Variants in ARSG observed in about 807,000 individuals in gnomAD.
ARSG encodes the protein ASG.
ARSG carries 37 observed loss-of-function variants against 50.5 expected under a neutral mutation model. That is an observed-to-expected ratio of 0.73 (90% CI 0.56 to 0.96). The LOEUF is 0.96. Ranked by LOEUF, ARSG falls within the 50% of genes least tolerant of loss-of-function variation. ARSG has a pLI of 0.00. For synonymous variants in ARSG, 225 were observed against 254.6 expected (o/e 0.88, Z 1.11); for missense variants, 629 against 675.3 (o/e 0.93, Z 0.76).
At chr17:68,359,131 C>T (rs1032143877) in intron 6 of ARSG, among the ~76,000 whole-genome samples, 1 of 152,126 alleles carries the variant, frequency 6.6e-6, no homozygotes, top group Non-Finnish European at 1.5e-5. Flanking sequence ...CCACTGCACT[C>T]CAGCCTGGGC....
In ARSG at chr17:68,351,534, C is replaced by T. The variant is rs368739492; in HGVS notation, c.455-41C>T. ...GTGTACAAAGGCAAGCACATGGAGT[C>T]GCAGCCACGTGGGGGTGCTAACCGG... On this transcript the variant is annotated intron_variant, in intron 4 of 11. Coordinates refer to ENST00000621439, the MANE Select transcript of ARSG (RefSeq NM_001267727.2). 228 of 1,138,600 alleles carry T rather than the reference C, an allele frequency of 2.0e-4. 3 individuals are homozygous for T. In the South Asian group the frequency reaches 2.6e-3, roughly 13 times the overall value. 70.5% of individuals were successfully genotyped at this position (1,138,600 alleles called of 1,614,324 possible).
At chr17:68,366,407 G>C (rs1199332314) in intron 6 of ARSG, among the ~76,000 whole-genome samples, 1 of 152,000 alleles carries the variant, frequency 6.6e-6, no homozygotes, top group Non-Finnish European at 1.5e-5. Flanking sequence ...ACCCCCACTG[G>C]CCAGGCACTG....
chr17:68,327,608 A>G (rs1208591517), intron 2 of ARSG, among the ~76,000 whole-genome samples: 1 of 152,142 alleles, frequency 6.6e-6, no homozygotes, highest in African/African-American at 2.4e-5. Flanking sequence ...CATTGCATCA[A>G]GACCCACTCT....
chr17:68,384,524 A>G, intron 8 of ARSG, among the ~76,000 whole-genome samples: 1 of 152,224 alleles, frequency 6.6e-6, no homozygotes, highest in Admixed American at 6.5e-5. Context: ...AAACAAAGCA[A>G]AGCAAAACAA....
intron 6 of ARSG, among the ~76,000 whole-genome samples, chr17:68,357,504 A>T (rs2079085300): frequency 6.6e-6 from 1 of 152,226 alleles, no homozygotes; most frequent in African/African-American, 2.4e-5. Context: ...GGAGAATCCA[A>T]GGTGATCCCC....
the ARSG span, among the ~76,000 whole-genome samples, chr17:68,432,752 T>C: frequency 0.26 from 39,054 of 152,076 alleles, 5,687 homozygotes; most frequent in Middle Eastern, 0.35. Flanking sequence ...GATCCTGCCT[T>C]TCTCTGCAGG....
At chr17:68,390,291 G>A (rs1237325873) in intron 9 of ARSG, among the ~76,000 whole-genome samples, 5 of 152,058 alleles carry the variant, frequency 3.3e-5, no homozygotes, top group Non-Finnish European at 5.9e-5. Flanking sequence ...TCCACTCCTA[G>A]GATCCTTCAG....
At chr17:68,266,368 AGTATATATATGTATATATAT>A (rs1305375015) in intron 1 of ARSG, among the ~76,000 whole-genome samples, 4 of 125,960 alleles carry the variant, frequency 3.2e-5, no homozygotes, top group East Asian at 2.8e-4. Context: ...CAATGATCAA[AGTATATATATGTATATATAT>A]GTATATATAT....
At chr17:68,285,223 G>T (rs782252575) in intron 1 of ARSG, among the ~76,000 whole-genome samples, 15 of 152,246 alleles carry the variant, frequency 9.9e-5, no homozygotes, top group Non-Finnish European at 1.8e-4. Flanking sequence ...TGGCACAGTT[G>T]TTCTAACCCA....
In ARSG at chr17:68,420,377, A is replaced by G. The variant is rs757358204; in HGVS notation, c.1492A>G (p.Ile498Val). Residue 498 changes from isoleucine to valine, a missense_variant, in exon 12 of 12, where the codon ATC becomes GTC. Physicochemically the swap from Ile to Val is conservative, Grantham distance 29 (BLOSUM62 3). Coordinates refer to ENST00000621439, the MANE Select transcript of ARSG (RefSeq NM_001267727.2). ...DVLQDIANDN[I>V]SSADYTQDPS... ...CCTCCAAGACATTGCCAACGACAAC[A>G]TCTCCAGCGCAGATTACACTCAGGA... 8.7e-6 allele frequency: 14 copies of G among 1,614,088 alleles called. No homozygotes were observed. Among genetic ancestry groups the G allele is most frequent in the African/African-American group, 1.3e-5 (1 of 74,928 alleles).
chr17:68,363,769 G>A (rs1451852391), intron 6 of ARSG, among the ~76,000 whole-genome samples: 1 of 152,098 alleles, frequency 6.6e-6, no homozygotes, highest in Non-Finnish European at 1.5e-5. Flanking sequence ...GCCTGGCCGA[G>A]CCCTAGTACG....
intron 10 of ARSG, among the ~76,000 whole-genome samples, chr17:68,398,070 A>G (rs1274230216): frequency 1.3e-5 from 2 of 152,208 alleles, no homozygotes; most frequent in African/African-American, 4.8e-5. Context: ...CCTGGGCTGC[A>G]TATGCATGTT....
intron 2 of ARSG, among the ~76,000 whole-genome samples, chr17:68,310,744 A>G (rs1555766441): frequency 6.6e-6 from 1 of 152,166 alleles, no homozygotes. Flanking sequence ...TTCCTGAGAT[A>G]CGCGCCCTTG....
downstream of ARSG, chr17:68,427,370 T>G: frequency 1.3e-6 from 1 of 794,178 alleles, no homozygotes; most frequent in South Asian, 1.7e-5. Flanking sequence ...TATTTATTTA[T>G]TTTTGAGGCA....
Position 68,263,616 on chromosome 17 carries a change from T to G in ARSG, c.-552+4190T>G, listed in dbSNP as rs149847779. The stretch of plus-strand genomic sequence containing the variant: ...TCCTGAGTAGCTGGGACCACAGGCA[T>G]GAGCCACCACACCTGGCTAATTTTG... On this transcript the variant is annotated intron_variant, in intron 1 of 11. Transcript: ENST00000448504. 4.2e-3 allele frequency among the ~76,000 whole-genome samples: 643 copies of G among 151,862 alleles called. 4 individuals carry two copies. The highest frequency in any genetic ancestry group is 0.015 in the African/African-American group (607 of 41,406).
At chr17:68,301,275 C>T (rs1472342703) in intron 1 of ARSG, among the ~76,000 whole-genome samples, 3 of 152,190 alleles carry the variant, frequency 2.0e-5, no homozygotes, top group Admixed American at 2.0e-4. Context: ...TTGGGCTAGC[C>T]TCAAAATTAC....
At chr17:68,422,692 A>G (rs1240895668), downstream of ARSG, 1 of 143,900 alleles carries the variant, frequency 6.9e-6, no homozygotes, top group African/African-American at 2.6e-5. Flanking sequence ...TCACGCCAAC[A>G]CATTCTAGCC....
chr17:68,382,668 G>A (rs1025410239), intron 8 of ARSG, among the ~76,000 whole-genome samples: 31 of 152,148 alleles, frequency 2.0e-4, no homozygotes, highest in African/African-American at 7.5e-4. Context: ...TCAGATCTTT[G>A]TAAGTTTTGT....
At chr17:68,392,691 G>T (rs944008126) in intron 9 of ARSG, among the ~76,000 whole-genome samples, 1 of 152,106 alleles carries the variant, frequency 6.6e-6, no homozygotes, top group Non-Finnish European at 1.5e-5. Flanking sequence ...GTAGAGACAG[G>T]GTTTCGCCAT....
Sources: gnomAD v4.1 joint callset for allele counts (sites outside exome capture counted in the v4.1 genomes callset) on GRCh38, gnomAD v4.1.1 for gene constraint, MANE v1.5 for transcripts, NCBI Gene and HGNC (gene_info 2026-07-23, HGNC 2026-07-21) for gene names.